EHMT1: variants seen among roughly 807,000 people sequenced by gnomAD.
EHMT1 encodes the protein euchromatic histone lysine methyltransferase 1.
EHMT1 carries 15 observed loss-of-function variants against 147.2 expected under a neutral mutation model. The observed-to-expected ratio is 0.10, with a 90% CI of 0.07 to 0.16. The LOEUF is 0.16. Ranked by LOEUF, EHMT1 falls within the 10% of genes least tolerant of loss-of-function variation. EHMT1 has a pLI of 1.00. For missense variants in EHMT1, 1,587 were observed against 1,772.4 expected (o/e 0.90, Z 1.88); for synonymous variants, 795 against 709.6 (o/e 1.12, Z -1.91).
At chr9:137,684,773 G>A (rs528109046) in intron 1 of EHMT1, among the ~76,000 whole-genome samples, 1 of 152,318 alleles carries the variant, frequency 6.6e-6, no homozygotes, top group South Asian at 2.1e-4. Context: ...TTGTAGGCAT[G>A]AGCCACCATA....
intron 1 of EHMT1, among the ~76,000 whole-genome samples, chr9:137,686,991 A>G (rs1287966800): frequency 6.6e-6 from 1 of 152,134 alleles, no homozygotes; most frequent in African/African-American, 2.4e-5. Context: ...GGCCTCCCAA[A>G]GTGCTGGAAT....
At chr9:137,698,412 ATGAAGGATCAGGTGTCAT>A (rs1390424193) in intron 1 of EHMT1, among the ~76,000 whole-genome samples, 3 of 152,260 alleles carry the variant, frequency 2.0e-5, no homozygotes, top group Non-Finnish European at 1.5e-5. Flanking sequence ...TTTGATAAAC[ATGAAGGATCAGGTGTCAT>A]CTCTTTAGTG....
intron 15 of EHMT1, chr9:137,784,660 G>T: frequency 6.3e-6 from 1 of 159,220 alleles, no homozygotes; most frequent in South Asian, 2.0e-4. Context: ...ATGAGATGAT[G>T]ATGGGGGAGC....
At chr9:137,745,502 AC>A in intron 6 of EHMT1, 1 of 398,554 alleles carries the variant, frequency 2.5e-6, no homozygotes, top group Non-Finnish European at 4.4e-6. Flanking sequence ...CAGCATCATC[AC>A]CCCATTGTCC....
chr9:137,741,456 G>C lies in EHMT1; in HGVS notation c.824-1915G>C, dbSNP rs535590933. 3.9e-5 allele frequency among the ~76,000 whole-genome samples: 6 copies of C among 152,170 alleles called. No homozygotes were observed. The East Asian group carries it at 1.2e-3, about 29-fold the overall frequency. On this transcript the variant is annotated intron_variant, in intron 4 of 26. Coordinates refer to ENST00000460843, the MANE Select transcript of EHMT1 (RefSeq NM_024757.5). ...TGTTCCTGTCCCAGCTGGTCATGCT[G>C]TTGTCACATTGAAGCAGATGCAGAC... is the stretch of plus-strand genomic sequence containing the variant.
intron 1 of EHMT1, among the ~76,000 whole-genome samples, chr9:137,668,733 CTTT>C (rs34070687): frequency 4.0e-5 from 6 of 148,352 alleles, no homozygotes; most frequent in Admixed American, 2.0e-4. Context: ...TTAGTGTTTT[CTTT>C]TTTTTTTTTG....
At chr9:137,773,738 G>A (rs1950742390) in intron 10 of EHMT1, among the ~76,000 whole-genome samples, 1 of 152,212 alleles carries the variant, frequency 6.6e-6, no homozygotes, top group African/African-American at 2.4e-5. Flanking sequence ...ACAGATACCA[G>A]CTTTGCAGTG....
intron 15 of EHMT1, chr9:137,785,098 A>G: frequency 6.5e-6 from 1 of 154,340 alleles, no homozygotes; most frequent in Non-Finnish European, 1.4e-5. Flanking sequence ...TCTGAGGAAG[A>G]GGAAGAGCGT....
chr9:137,756,472 G>A (rs1197406800), intron 8 of EHMT1, among the ~76,000 whole-genome samples: 2 of 152,172 alleles, frequency 1.3e-5, no homozygotes, highest in East Asian at 1.9e-4. Flanking sequence ...TTGGGGAGGC[G>A]TCATCCCCTG....
chr9:137,811,039 C>A lies in EHMT1; in HGVS notation c.2713-422C>A, dbSNP rs138627742. Among the ~76,000 whole-genome samples the A allele has an allele frequency of 1.0e-2, 1,517 of 152,108 alleles. 10 individuals are homozygous for A. Among genetic ancestry groups the A allele is most frequent in the Admixed American group, 0.015 (231 of 15,284 alleles). Reference sequence around the variant, plus strand: ...TAATCAAATTTGCACGTCCTTTTTTCAAATCTTTCAAAAGCATTATCCTAT... The same window carrying A: ...TAATCAAATTTGCACGTCCTTTTTTAAAATCTTTCAAAAGCATTATCCTAT... On this transcript the variant is annotated intron_variant, in intron 18 of 26. Transcript: ENST00000460843.
At chr9:137,714,285 C>T (rs1268514978) in intron 2 of EHMT1, among the ~76,000 whole-genome samples, 3 of 152,080 alleles carry the variant, frequency 2.0e-5, no homozygotes, top group African/African-American at 7.2e-5. Flanking sequence ...TCATAGATGC[C>T]CTATGTTAGA....
chr9:137,692,693 G>A (rs1055950980), intron 1 of EHMT1, among the ~76,000 whole-genome samples: 3 of 152,108 alleles, frequency 2.0e-5, no homozygotes, highest in Admixed American at 2.0e-4. Context: ...GATGATCTGC[G>A]CGCTGGTCAG....
intron 1 of EHMT1, among the ~76,000 whole-genome samples, chr9:137,625,469 C>G (rs1208604557): frequency 6.6e-6 from 1 of 152,046 alleles, no homozygotes; most frequent in Non-Finnish European, 1.5e-5. Flanking sequence ...TTCCAAGTAG[C>G]TGGGACTACA....
intron 16 of EHMT1, among the ~76,000 whole-genome samples, chr9:137,792,923 C>T (rs868229707): frequency 1.3e-5 from 2 of 152,106 alleles, no homozygotes; most frequent in South Asian, 2.1e-4. Flanking sequence ...AGACAGCCAC[C>T]CCCTTGCCTG....
At chr9:137,638,604 TAA>T (rs1445997679) in intron 1 of EHMT1, among the ~76,000 whole-genome samples, 1 of 152,182 alleles carries the variant, frequency 6.6e-6, no homozygotes, top group African/African-American at 2.4e-5. Flanking sequence ...TGCATTCCCC[TAA>T]AAAATATGTT....
chr9:137,692,063 G>A (rs1222921907), intron 1 of EHMT1, among the ~76,000 whole-genome samples: 2 of 152,194 alleles, frequency 1.3e-5, no homozygotes, highest in African/African-American at 4.8e-5. Context: ...TGAGAAGGGT[G>A]ATGTGTGTAA....
intron 23 of EHMT1, 36 bp downstream of exon 23, chr9:137,816,098 G>A: frequency 6.4e-7 from 1 of 1,569,416 alleles, no homozygotes; most frequent in Admixed American, 1.8e-5. Context: ...CCCACATTCT[G>A]CTCGTATTAG....
At chr9:137,763,220 G>T in intron 10 of EHMT1, 1 of 390,478 alleles carries the variant, frequency 2.6e-6, no homozygotes, top group South Asian at 2.8e-5. Flanking sequence ...CAAGGGCCGG[G>T]CCTCGGCCAC....
At chr9:137,716,029 T>TGG (rs1345921647) in intron 2 of EHMT1, among the ~76,000 whole-genome samples, 5 of 141,792 alleles carry the variant, frequency 3.5e-5, no homozygotes, top group South Asian at 2.3e-4. Flanking sequence ...GGTGGTGTCA[T>TGG]AGGGGGAGGA....
Sources: allele counts gnomAD v4.1 joint callset (sites outside exome capture counted in the v4.1 genomes callset), GRCh38; gene constraint gnomAD v4.1.1; transcripts MANE v1.5; gene names NCBI Gene and HGNC (gene_info 2026-07-23, HGNC 2026-07-21).